LINGO2: variants seen among roughly 807,000 people sequenced by gnomAD.
The protein encoded by LINGO2 is leucine rich repeat and Ig domain containing 2.
In LINGO2, 14 loss-of-function variants were observed where a neutral mutation model predicts 30.6. The observed-to-expected ratio is 0.46, with a 90% CI of 0.30 to 0.72. The LOEUF is 0.72. Among genes scored for constraint, LINGO2 ranks in the 30% least tolerant of loss-of-function variants. The pLI, the probability that LINGO2 is intolerant of heterozygous loss-of-function variation, is 0.07. For missense variants in LINGO2, 729 were observed against 751.7 expected (o/e 0.97, Z 0.35); for synonymous variants, 317 against 288.5 (o/e 1.10, Z -1.00).
chr9:28,403,031 T>G (rs1468236202), intron 2 of LINGO2, among the ~76,000 whole-genome samples: 2 of 152,142 alleles, frequency 1.3e-5, no homozygotes, highest in Non-Finnish European at 2.9e-5. Context: ...TATCTAGGGT[T>G]TTTGTGAAAA....
chr9:28,266,359 T>A (rs1418814270), intron 4 of LINGO2, among the ~76,000 whole-genome samples: 1 of 151,994 alleles, frequency 6.6e-6, no homozygotes, highest in Non-Finnish European at 1.5e-5. Flanking sequence ...TCAAGTGAGC[T>A]TTTCTGCCAT....
At chr9:28,593,543 T>G (rs564927158) in intron 1 of LINGO2, among the ~76,000 whole-genome samples, 39 of 152,198 alleles carry the variant, frequency 2.6e-4, no homozygotes, top group African/African-American at 9.1e-4. Context: ...AGTAGTCTAG[T>G]GTCTTCTAAG....
upstream of LINGO2, among the ~76,000 whole-genome samples, chr9:28,673,220 C>T (rs905912209): frequency 1.3e-5 from 2 of 151,942 alleles, no homozygotes; most frequent in African/African-American, 4.8e-5. Flanking sequence ...AAAAGTAAAT[C>T]GAAGTTTACA....
At chr9:27,943,453 T>A (rs994515827), downstream of LINGO2, 1 of 152,164 alleles carries the variant, frequency 6.6e-6, no homozygotes, top group African/African-American at 2.4e-5. Context: ...GCTAAGGCTA[T>A]AAATAAAGCT....
At chr9:28,922,330 T>C in the LINGO2 span, among the ~76,000 whole-genome samples, 4 of 152,300 alleles carry the variant, frequency 2.6e-5, no homozygotes, top group African/African-American at 9.6e-5. Context: ...TGTCTCCGCA[T>C]GCATTGATAA....
intron 1 of LINGO2, among the ~76,000 whole-genome samples, chr9:28,628,750 T>C (rs112970122): frequency 5.9e-5 from 9 of 152,238 alleles, no homozygotes; most frequent in Middle Eastern, 3.4e-3. Context: ...TTCTGTACAA[T>C]AAAGTTTGTC....
chr9:28,218,319 A>G (rs1820841326), intron 4 of LINGO2, among the ~76,000 whole-genome samples: 1 of 151,598 alleles, frequency 6.6e-6, no homozygotes, highest in Non-Finnish European at 1.5e-5. Context: ...TAGAATCTGT[A>G]AAAGAAAAAT....
intron 4 of LINGO2, among the ~76,000 whole-genome samples, chr9:28,168,474 G>A (rs545806822): frequency 2.6e-5 from 4 of 152,138 alleles, no homozygotes; most frequent in Non-Finnish European, 4.4e-5. Context: ...AAATTTAAGA[G>A]TACCAACTTC....
the LINGO2 span, among the ~76,000 whole-genome samples, chr9:29,106,345 T>C: frequency 6.6e-6 from 1 of 152,136 alleles, no homozygotes; most frequent in Non-Finnish European, 1.5e-5. Flanking sequence ...TTTAATACTC[T>C]GAGCTATACA....
At chr9:29,102,142 C>A in the LINGO2 span, among the ~76,000 whole-genome samples, 8 of 150,688 alleles carry the variant, frequency 5.3e-5, no homozygotes, top group African/African-American at 2.0e-4. Context: ...AGAGCAGTGG[C>A]GCAATTTTGG....
chr9:28,447,697 C>T (rs935406373), intron 2 of LINGO2, among the ~76,000 whole-genome samples: 2 of 152,154 alleles, frequency 1.3e-5, no homozygotes, highest in Admixed American at 1.3e-4. Context: ...AATCTTCTCT[C>T]AGTATTCATT....
At chr9:29,187,357 A>G in the LINGO2 span, among the ~76,000 whole-genome samples, 1 of 152,194 alleles carries the variant, frequency 6.6e-6, no homozygotes, top group African/African-American at 2.4e-5. Flanking sequence ...CAAGAATACA[A>G]TTTAACCTGA....
chr9:28,730,181 AG>A, the LINGO2 span, among the ~76,000 whole-genome samples: 8 of 152,178 alleles, frequency 5.3e-5, 1 homozygote, highest in Non-Finnish European at 1.0e-4. Context: ...AGGGCAATAA[AG>A]GGAATAGCCA....
At chr9:28,745,391 T>A in the LINGO2 span, among the ~76,000 whole-genome samples, 1 of 152,012 alleles carries the variant, frequency 6.6e-6, no homozygotes, top group Non-Finnish European at 1.5e-5. Context: ...AGATGTCTCA[T>A]AATATGGGGT....
At chr9:28,692,418 T>C in the LINGO2 span, among the ~76,000 whole-genome samples, 2 of 152,100 alleles carry the variant, frequency 1.3e-5, no homozygotes, top group Non-Finnish European at 2.9e-5. Context: ...GAGGTTGCAA[T>C]GAGCCAAGAT....
intron 1 of LINGO2, among the ~76,000 whole-genome samples, chr9:28,578,137 G>A (rs1238143579): frequency 6.6e-6 from 1 of 152,140 alleles, no homozygotes. Context: ...ATGCAAGATG[G>A]GGCTTAAAAG....
At chr9:28,343,119 G>A (rs1221389861) in intron 3 of LINGO2, among the ~76,000 whole-genome samples, 1 of 152,142 alleles carries the variant, frequency 6.6e-6, no homozygotes, top group Non-Finnish European at 1.5e-5. Context: ...GAGGATTTAG[G>A]AAACAGGATA....
intron 3 of LINGO2, among the ~76,000 whole-genome samples, chr9:28,311,435 C>A (rs911072260): frequency 1.3e-5 from 2 of 152,198 alleles, no homozygotes; most frequent in East Asian, 3.9e-4. Context: ...AGCCTGGGAG[C>A]GCTACTGGAG....
At chr9:28,603,020 T>C (rs988406564) in intron 1 of LINGO2, among the ~76,000 whole-genome samples, 1 of 152,088 alleles carries the variant, frequency 6.6e-6, no homozygotes, top group Non-Finnish European at 1.5e-5. Flanking sequence ...ATAAAGAAGA[T>C]GTCCAATAGA....
Sources: gnomAD v4.1 joint callset for allele counts (sites outside exome capture counted in the v4.1 genomes callset) on GRCh38, gnomAD v4.1.1 for gene constraint, MANE v1.5 for transcripts, NCBI Gene and HGNC (gene_info 2026-07-23, HGNC 2026-07-21) for gene names.